Variants in CDK11A observed in about 807,000 individuals in gnomAD.
CDK11A encodes the protein cyclin-dependent kinase 11A.
A neutral mutation model predicts 83.6 loss-of-function variants in CDK11A; 55 were observed. The ratio of observed to expected loss-of-function variants is 0.66; its 90% CI spans 0.53 to 0.82. The LOEUF (loss-of-function observed/expected upper bound fraction) is 0.82. Ranked by LOEUF, CDK11A falls within the 40% of genes least tolerant of loss-of-function variation. CDK11A has a pLI of 0.00. For missense variants in CDK11A, 564 were observed against 810.1 expected (o/e 0.70, Z 3.69); for synonymous variants, 247 against 302.7 (o/e 0.82, Z 1.91).
At chr1:1,720,745 A>G (rs568825180) in intron 3 of CDK11A, among the ~76,000 whole-genome samples, 1 of 149,900 alleles carries the variant, frequency 6.7e-6, no homozygotes, top group Non-Finnish European at 1.5e-5. Context: ...AGGGTAGAAT[A>G]CAGAGGCACA....
intron 11 of CDK11A, among the ~76,000 whole-genome samples, chr1:1,706,860 G>T (rs1326452306): frequency 6.7e-6 from 1 of 149,800 alleles, no homozygotes; most frequent in African/African-American, 2.5e-5. Context: ...GGAGGGGGCC[G>T]AGTCCCTGCC....
rs1557779280 is a variant in CDK11A at position 1,704,246 on chromosome 1, G to A, written c.1663C>T (p.Leu555=). The A allele has an allele frequency of 6.2e-7, 1 of 1,608,544 alleles. No individual in the cohort carries two copies. Among genetic ancestry groups the A allele is most frequent in the Admixed American group, 1.7e-5 (1 of 59,804 alleles). ...HRDLKTSNLL[L]SHAGILKVGD... ...ACCTTGAGGATGCCGGCGTGGCTCAGCAGCAGGTTGGACGTCTTGAGGTCA... is the reference window on the plus strand; with the variant it reads ...ACCTTGAGGATGCCGGCGTGGCTCAACAGCAGGTTGGACGTCTTGAGGTCA... The change falls in exon 15 of 20, where the codon CTG becomes TTG. Residue 555 remains leucine, a synonymous_variant. Transcript: ENST00000404249.
Position 1,721,057 on chromosome 1 carries a change from A to G in CDK11A, c.227+539T>C, listed in dbSNP as rs145994614. ...ATCCTGGCTAATTTTTTGTATTTTTAGTAGAGACGGGGTTTCACCGTGTTA... is the reference window on the plus strand; with the variant it reads ...ATCCTGGCTAATTTTTTGTATTTTTGGTAGAGACGGGGTTTCACCGTGTTA... On this transcript the variant is annotated intron_variant, in intron 3 of 19. Coordinates refer to ENST00000404249, the MANE Select transcript of CDK11A (RefSeq NM_024011.4). Among the ~76,000 whole-genome samples the G allele has an allele frequency of 3.6e-3, 550 of 150,940 alleles. 2 individuals are homozygous for G. The highest frequency in any genetic ancestry group is 4.8e-3 in the Non-Finnish European group (322 of 67,588).
intron 4 of CDK11A, 37 bp from the exon 5 acceptor site, chr1:1,716,515 C>T: frequency 2.5e-6 from 4 of 1,599,036 alleles, no homozygotes; most frequent in Non-Finnish European, 3.4e-6. Context: ...AGAAACCTCA[C>T]TTCAAAAATT....
chr1:1,704,086 C>A lies in CDK11A; in HGVS notation c.1747G>T (p.Val583Leu), dbSNP rs574343699. ...GSPLKAYTPVVVTQWYRAPEL... is the reference protein window; with the variant it reads ...GSPLKAYTPVLVTQWYRAPEL... Reference sequence around the variant, plus strand: ...GGGGCGCGGTACCACTGGGTCACCACGACCGGGGTGTAGGCCTTCAGAGGG... The same window carrying A: ...GGGGCGCGGTACCACTGGGTCACCAAGACCGGGGTGTAGGCCTTCAGAGGG... The change falls in exon 16 of 20, where the codon GTG becomes TTG. Residue 583 changes from valine to leucine, a missense_variant. Val to Leu is a conservative substitution (Grantham distance 32). This residue lies in a region of CDK11A where 361 missense variants were observed against 402.7 expected (regional missense o/e 0.90). Transcript: ENST00000404249. 8 of 1,598,138 alleles carry A rather than the reference C, an allele frequency of 5.0e-6. No homozygotes were observed. The highest frequency in any genetic ancestry group is 6.8e-6 in the Non-Finnish European group (8 of 1,170,384).
intron 3 of CDK11A, among the ~76,000 whole-genome samples, 183 bp from the exon 4 acceptor site, chr1:1,719,638 C>CTCCCTCTGTCACCCAGGCT (rs70937183): frequency 7.3e-6 from 1 of 137,302 alleles, no homozygotes; most frequent in African/African-American, 2.8e-5. Flanking sequence ...TTTTTTTAGA[C>CTCCCTCTGTCACCCAGGCT]GGAGTCTCGC....
rs1174418112 is a variant in CDK11A at position 1,716,454 on chromosome 1, CTT to C, written c.378_379del (p.Glu128AlafsTer13). The C allele has an allele frequency of 5.0e-6, 8 of 1,608,688 alleles. 1 individual carries two copies. The highest frequency in any genetic ancestry group is 4.5e-5 in the East Asian group (2 of 44,794). On this transcript the variant is annotated frameshift_variant, in exon 5 of 20. Coordinates refer to ENST00000404249, the MANE Select transcript of CDK11A (RefSeq NM_024011.4). LOFTEE classifies it high-confidence loss of function. ...ATGTCGTTTCCGACGTTCGTGCTCT[CTT>C]TCTTTCACTCTAGCATGCTTCCCTA...
At position 1,724,330 on chromosome 1, in the gene CDK11A, T is replaced by C. The variant is rs1174044555; in HGVS notation, c.-86A>G. The C allele has an allele frequency of 6.6e-6, 1 of 151,596 alleles. No homozygotes were observed. The highest frequency in any genetic ancestry group is 1.5e-5 in the Non-Finnish European group (1 of 67,844). 9.4% of individuals were successfully genotyped at this position (151,596 alleles called of 1,614,324 possible). A position where few individuals can be genotyped will look rare whatever the true frequency, so the allele number is the denominator to read the frequency against. ...CGGCGCTCGCCAGAAGTATCCTCAC[T>C]TCCTGTGTTGACGCCTAATGATGAT... is the stretch of plus-strand genomic sequence containing the variant. On this transcript the variant is annotated 5_prime_UTR_variant, in exon 1 of 20. Coordinates refer to ENST00000404249, the MANE Select transcript of CDK11A (RefSeq NM_024011.4).
At position 1,716,883 on chromosome 1, in the gene CDK11A, T is replaced by G. The variant is rs78315550; in HGVS notation, c.356-405A>C. On this transcript the variant is annotated intron_variant, in intron 4 of 19. Transcript: ENST00000404249. ...TGAAAATGAAATTAAATCAAGAACA[T>G]TAAATATTTAAATAATGATGTTAAG... Among the ~76,000 whole-genome samples, 2 of 63,348 alleles carry G rather than the reference T, an allele frequency of 3.2e-5. 1 individual carries two copies. Among genetic ancestry groups the G allele is most frequent in the Non-Finnish European group, 5.6e-5 (2 of 35,554 alleles). 41.6% of individuals were successfully genotyped at this position (63,348 alleles called of 152,430 possible).
intron 17 of CDK11A, 92 bp downstream of exon 17, chr1:1,703,732 C>T (rs1644179606): frequency 6.4e-7 from 1 of 1,555,114 alleles, no homozygotes; most frequent in Admixed American, 1.9e-5. Flanking sequence ...TGGCCCTGGT[C>T]CCCATCTCAA....
intron 3 of CDK11A, among the ~76,000 whole-genome samples, chr1:1,720,629 C>G (rs1336110102): frequency 1.3e-5 from 2 of 149,990 alleles, no homozygotes; most frequent in African/African-American, 2.5e-5. Context: ...AAACTCATGA[C>G]CTCATGATCC....
chr1:1,724,263 C>G lies in CDK11A; in HGVS notation c.-19G>C, dbSNP rs1433120240. The G allele has an allele frequency of 1.3e-5, 2 of 151,676 alleles. No homozygotes were observed. Among genetic ancestry groups the G allele is most frequent in the South Asian group, 2.1e-4 (1 of 4,798 alleles). The allele number at this position is 151,676 out of a possible 1,614,324, so 9.4% of individuals were successfully genotyped here. The stretch of plus-strand genomic sequence containing the variant: ...TCCGCCCAGTCGGAACTCACCCCTA[C>G]GGGGCCGCGGCCGGTCCCTGAGCCT... On this transcript the variant is annotated 5_prime_UTR_variant, in exon 1 of 20. Coordinates refer to ENST00000404249, the MANE Select transcript of CDK11A (RefSeq NM_024011.4).
chr1:1,716,401 C>T lies in CDK11A; in HGVS notation c.433G>A (p.Glu145Lys), dbSNP rs542594220. 2.5e-6 allele frequency: 4 copies of T among 1,608,994 alleles called. No homozygotes were observed. In the East Asian group the frequency reaches 8.9e-5, roughly 36 times the overall value. The change falls in exon 5 of 20, where the codon GAA becomes AAA. Residue 145 changes from glutamate to lysine, a missense_variant. Transcript: ENST00000404249. ...HREEQDKARR[E>K]WERQKRREMA... Reference sequence around the variant, plus strand: ...TCCCTTCTCTTCTGTCTTTCCCATTCCCGGCGAGCTTTATCCTGTTCTTCT... The same window carrying T: ...TCCCTTCTCTTCTGTCTTTCCCATTTCCGGCGAGCTTTATCCTGTTCTTCT...
Position 1,702,937 on chromosome 1 carries a change from G to C in CDK11A, c.2313C>G (p.Ala771=), listed in dbSNP as rs1349792584. 3 of 485,126 alleles carry C rather than the reference G, an allele frequency of 6.2e-6. No homozygotes were observed. Among genetic ancestry groups the C allele is most frequent in the Non-Finnish European group, 1.1e-5 (3 of 275,634 alleles). 30.1% of individuals were successfully genotyped at this position (485,126 alleles called of 1,614,324 possible). ...HLTTTNQGAS[A]AGPGFSLKF ...ACTTGAGGCTGAAGCCGGGGCCCGCGGCAGAGGCCCCCTGGTTCGTGGTGG... is the reference window on the plus strand; with the variant it reads ...ACTTGAGGCTGAAGCCGGGGCCCGCCGCAGAGGCCCCCTGGTTCGTGGTGG... The change falls in exon 20 of 20, where the codon GCC becomes GCG. Residue 771 remains alanine (A), a synonymous_variant. Transcript: ENST00000404249.
rs1184957081 is a variant in CDK11A, at chr1:1,716,742, G to A, written c.356-264C>T. On this transcript the variant is annotated intron_variant, in intron 4 of 19. Transcript: ENST00000404249. ...AGGCTGTAGAATCACTTGAACCTGG[G>A]AGGTGGAGGTTGCGGTGAGCCGAGA... is the stretch of plus-strand genomic sequence containing the variant. Among the ~76,000 whole-genome samples the A allele has an allele frequency of 2.2e-5, 3 of 135,280 alleles. No homozygotes were observed. The Admixed American group carries it at 2.7e-4, about 12-fold the overall frequency. 88.7% of individuals were successfully genotyped at this position (135,280 alleles called of 152,430 possible).
At position 1,715,924 on chromosome 1, in the gene CDK11A, G is replaced by C. The variant is rs368993140; in HGVS notation, c.488+422C>G. On this transcript the variant is annotated intron_variant, in intron 5 of 19. Transcript: ENST00000404249. Reference sequence around the variant, plus strand: ...ATTTCCAGACTGTTTCAAGGTTTTTGGGATCTCCCTTCTCCTTTTTTTGAG... The same window carrying C: ...ATTTCCAGACTGTTTCAAGGTTTTTCGGATCTCCCTTCTCCTTTTTTTGAG... Among the ~76,000 whole-genome samples, 6 of 150,492 alleles carry C rather than the reference G, an allele frequency of 4.0e-5. No individual in the cohort carries two copies. In the East Asian group the frequency reaches 1.2e-3, roughly 30 times the overall value.
chr1:1,718,357 T>C (rs557230170), intron 4 of CDK11A, among the ~76,000 whole-genome samples: 1 of 150,180 alleles, frequency 6.7e-6, no homozygotes, highest in East Asian at 2.0e-4. Context: ...ACGCATGCTT[T>C]CAGCTGGAGT....
chr1:1,717,960 A>G (rs2101300282), intron 4 of CDK11A, among the ~76,000 whole-genome samples: 1 of 146,376 alleles, frequency 6.8e-6, no homozygotes, highest in South Asian at 2.2e-4. Context: ...GCCCTTCTGA[A>G]TGGTCTGTGA....
At chr1:1,719,580 T>A in intron 3 of CDK11A, 125 bp from the exon 4 acceptor site, 1 of 712,884 alleles carries the variant, frequency 1.4e-6, no homozygotes, top group Non-Finnish European at 2.1e-6. Context: ...GAAACATCAT[T>A]TAAAAAATTA....
Sources: gnomAD v4.1 joint callset for allele counts (sites outside exome capture counted in the v4.1 genomes callset) on GRCh38, gnomAD v4.1.1 for gene constraint, gnomAD v4.1.1 regional missense constraint, MANE v1.5 for transcripts, NCBI Gene and HGNC (gene_info 2026-07-23, HGNC 2026-07-21) for gene names.